DMD: variants seen among roughly 807,000 people sequenced by gnomAD.
DMD encodes mutant dystrophin.
Under a neutral mutation model 330.1 loss-of-function variants are expected in DMD, and 63 were observed. The observed-to-expected ratio is 0.19, with a 90% confidence interval of 0.16 to 0.24. The LOEUF (loss-of-function observed/expected upper bound fraction) is 0.24. DMD is among the 10% of genes least tolerant of loss of function. The pLI, the probability that DMD is intolerant of heterozygous loss-of-function variation, is 1.00. For synonymous variants in DMD, 1,223 were observed against 959.8 expected, an observed-to-expected ratio of 1.27 and a Z score of -5.07; for missense variants, 3,344 against 2,684.1, an observed-to-expected ratio of 1.25 and a Z score of -5.43.
intron 60 of DMD, among the ~76,000 whole-genome samples, chrX:31,350,396 T>A (rs1231256495): frequency 8.9e-6 from 1 of 112,282 alleles, no homozygotes; most frequent in Non-Finnish European, 1.9e-5. Context: ...ATCATATAAT[T>A]CATTTTAGTT....
At chrX:31,612,785 G>A (rs2077996325) in intron 55 of DMD, among the ~76,000 whole-genome samples, 1 of 112,308 alleles carries the variant, frequency 8.9e-6, no homozygotes, top group South Asian at 3.7e-4. Flanking sequence ...GTTGCTATTC[G>A]AGAGGTATTT....
chrX:32,496,232 G>A (rs2043471781), intron 19 of DMD, among the ~76,000 whole-genome samples: 1 of 111,613 alleles, frequency 9.0e-6, no homozygotes, highest in African/African-American at 3.3e-5. Flanking sequence ...TGTTTCCAGA[G>A]CTCTTGAATT....
At chrX:32,684,707 G>C (rs2062723105) in intron 9 of DMD, among the ~76,000 whole-genome samples, 1 of 110,938 alleles carries the variant, frequency 9.0e-6, no homozygotes, top group Non-Finnish European at 1.9e-5. Context: ...TTTTTATTAA[G>C]TAGATGGTAT....
At chrX:32,411,159 G>C (rs1035581253) in intron 30 of DMD, among the ~76,000 whole-genome samples, 2 of 111,655 alleles carry the variant, frequency 1.8e-5, no homozygotes, top group South Asian at 3.7e-4. Context: ...ATAAGATAGA[G>C]TCTCGCTCTG....
In DMD at chrX:32,128,224, T is replaced by G. The variant is rs191815647; in HGVS notation, c.6438+88692A>C. ...CATACAATGGTCAATGTTAATCTAG[T>G]CAACAAAGAACTGTTCAATAAAACA... is the stretch of plus-strand genomic sequence containing the variant. On this transcript the variant is annotated intron_variant, in intron 44 of 78. Coordinates refer to ENST00000357033, the MANE Select transcript of DMD (RefSeq NM_004006.3). Among the ~76,000 whole-genome samples, 221 of 112,237 alleles carry G rather than the reference T, an allele frequency of 2.0e-3. 1 individual carries two copies. Among genetic ancestry groups the G allele is most frequent in the Non-Finnish European group, 3.5e-3 (188 of 53,157 alleles).
chrX:32,663,476 C>A (rs1487153751), intron 9 of DMD, among the ~76,000 whole-genome samples: 1 of 111,600 alleles, frequency 9.0e-6, no homozygotes, highest in Non-Finnish European at 1.9e-5. Flanking sequence ...GAGCAACTAA[C>A]AAAAGAGCCT....
rs2058496946 is a variant in DMD at position 31,352,814 on chromosome X, C to T, written c.9085-4180G>A. ...TGAATGAGAAAAACTTGAAAGCAACCAAAGTCCTCGAAAGCTTTAGCTTGG... is the reference window on the plus strand; with the variant it reads ...TGAATGAGAAAAACTTGAAAGCAACTAAAGTCCTCGAAAGCTTTAGCTTGG... On this transcript the variant is annotated intron_variant, in intron 60 of 78. Coordinates refer to ENST00000357033, the MANE Select transcript of DMD (RefSeq NM_004006.3). Among the ~76,000 whole-genome samples the T allele has an allele frequency of 2.7e-5, 3 of 111,890 alleles. No individual in the cohort carries two copies. The South Asian group carries it at 1.1e-3, about 41-fold the overall frequency.
At chrX:32,775,395 T>C (rs2074038881) in intron 7 of DMD, among the ~76,000 whole-genome samples, 1 of 112,222 alleles carries the variant, frequency 8.9e-6, no homozygotes, top group African/African-American at 3.2e-5. Context: ...CTAGTAGAGG[T>C]TCTCCATGAG....
At chrX:31,381,261 G>T (rs1488278797) in intron 60 of DMD, among the ~76,000 whole-genome samples, 1 of 111,082 alleles carries the variant, frequency 9.0e-6, no homozygotes, top group Non-Finnish European at 1.9e-5. Flanking sequence ...GGGCTGTGCA[G>T]TCAGGATTCT....
chrX:32,239,777 T>C (rs1238713553), intron 43 of DMD, among the ~76,000 whole-genome samples: 1 of 111,592 alleles, frequency 9.0e-6, no homozygotes, highest in African/African-American at 3.3e-5. Flanking sequence ...ATTTATACAA[T>C]TAAGAATTTA....
chrX:31,284,128 T>C (rs1309686157), intron 62 of DMD, among the ~76,000 whole-genome samples: 2 of 112,115 alleles, frequency 1.8e-5, no homozygotes, highest in Non-Finnish European at 3.8e-5. Flanking sequence ...GAATAGCTCA[T>C]GTAATTTATT....
chrX:32,510,429 C>G (rs141471095), intron 18 of DMD, among the ~76,000 whole-genome samples: 1,904 of 111,606 alleles, frequency 0.017, 47 homozygotes, highest in African/African-American at 0.059. Flanking sequence ...TTATTCTGCT[C>G]CTTGGAACTT....
chrX:31,688,376 G>T (rs1204611218), intron 52 of DMD, among the ~76,000 whole-genome samples: 1 of 110,680 alleles, frequency 9.0e-6, no homozygotes, highest in Admixed American at 9.6e-5. Flanking sequence ...TAGAAGAAAT[G>T]GATAAATTCC....
chrX:32,460,390 A>G (rs1209420680), intron 25 of DMD, among the ~76,000 whole-genome samples: 1 of 109,776 alleles, frequency 9.1e-6, no homozygotes, highest in Non-Finnish European at 1.9e-5. Flanking sequence ...GACAATTGCA[A>G]TCCCTACCTG....
chrX:32,848,377 C>T (rs12011762), intron 3 of DMD, among the ~76,000 whole-genome samples: 239 of 111,835 alleles, frequency 2.1e-3, no homozygotes, highest in African/African-American at 7.5e-3. Flanking sequence ...AGATGAATTA[C>T]ACACAAATCT....
chrX:32,718,983 C>A (rs1692562527), intron 7 of DMD, among the ~76,000 whole-genome samples: 1 of 111,601 alleles, frequency 9.0e-6, no homozygotes, highest in African/African-American at 3.2e-5. Context: ...CTCTTTATAT[C>A]GGGGAAGAGG....
At chrX:32,011,995 G>C (rs1341703443) in intron 44 of DMD, among the ~76,000 whole-genome samples, 1 of 111,492 alleles carries the variant, frequency 9.0e-6, no homozygotes, top group African/African-American at 3.3e-5. Flanking sequence ...TATTTTATCT[G>C]ACTCCTCAAG....
chrX:32,344,545 G>A (rs148801500), intron 39 of DMD, among the ~76,000 whole-genome samples: 40 of 110,999 alleles, frequency 3.6e-4, no homozygotes, highest in Non-Finnish European at 6.6e-4. Context: ...CAGATCGAAC[G>A]CTGCTTTTTT....
intron 1 of DMD, among the ~76,000 whole-genome samples, chrX:33,048,417 C>A (rs898353822): frequency 9.1e-6 from 1 of 110,490 alleles, no homozygotes; most frequent in Admixed American, 9.7e-5. Context: ...CGACTGGGAG[C>A]GGTGGCTCAC....
Sources: gnomAD v4.1 joint callset for allele counts (sites outside exome capture counted in the v4.1 genomes callset) on GRCh38, gnomAD v4.1.1 for gene constraint, MANE v1.5 for transcripts, NCBI Gene and HGNC (gene_info 2026-07-23, HGNC 2026-07-21) for gene names.